The following DNMT1 variants were observed in gnomAD, a reference collection of about 807,000 sequenced individuals.
DNMT1 encodes the protein DNA (cytosine-5)-methyltransferase 1.
Under a neutral mutation model 205.3 loss-of-function variants are expected in DNMT1, and 24 were observed. That is an observed-to-expected ratio of 0.12 (90% CI 0.08 to 0.16). DNMT1 has a LOEUF of 0.16. DNMT1 is among the 10% of genes least tolerant of loss of function. DNMT1 has a pLI of 1.00. For synonymous variants in DNMT1, 817 were observed against 839.8 expected, an observed-to-expected ratio of 0.97 and a Z score of 0.47; for missense variants, 1,293 against 2,177.7, an observed-to-expected ratio of 0.59 and a Z score of 8.09.
At position 10,140,576 on chromosome 19, in the gene DNMT1, G is replaced by T; in HGVS notation, c.3523+205C>A. ...TTAGAGACGGGGTTTCACCATGTTG[G>T]CCAGGATGGTCTCAAACTCCTGACC... is the stretch of plus-strand genomic sequence containing the variant. On this transcript the variant is annotated intron_variant, in intron 32 of 40. Coordinates refer to ENST00000359526, the MANE Select transcript of DNMT1 (RefSeq NM_001130823.3). The surrounding 1 kb of genome is among the most constrained non-coding windows in gnomAD (Gnocchi z 8.4). The T allele has an allele frequency of 2.1e-6, 2 of 972,712 alleles. No individual in the cohort carries two copies. Among genetic ancestry groups the T allele is most frequent in the Non-Finnish European group, 3.1e-6 (2 of 651,146 alleles). 60.3% of individuals were successfully genotyped at this position (972,712 alleles called of 1,614,324 possible).
At chr19:10,174,873 T>C (rs1002023244) in intron 7 of DNMT1, among the ~76,000 whole-genome samples, 2 of 151,090 alleles carry the variant, frequency 1.3e-5, no homozygotes, top group Admixed American at 6.6e-5. Context: ...CTGGGCAACA[T>C]GGTGAAACCC....
intron 5 of DNMT1, among the ~76,000 whole-genome samples, chr19:10,178,206 G>A (rs1431141713): frequency 2.0e-5 from 3 of 151,612 alleles, no homozygotes; most frequent in South Asian, 2.1e-4. Context: ...GTGGTGAGCC[G>A]AGATTGTGCC....
rs2038351864 is a variant in DNMT1 at position 10,151,973 on chromosome 19, A to C, written c.2020-126T>G. The C allele has an allele frequency of 1.2e-6, 1 of 826,958 alleles. No individual in the cohort carries two copies. 51.2% of individuals were successfully genotyped at this position (826,958 alleles called of 1,614,324 possible). On this transcript the variant is annotated intron_variant, in intron 22 of 40. Transcript: ENST00000359526. This position sits in a 1 kb window ranked among gnomAD's most constrained non-coding sequence, Gnocchi z 5.0. Reference sequence around the variant, plus strand: ...TCAGGAATTGCAGACCAGCCTGGCCAACGTGGTGAAACCCCATCTCTACTA... The same window carrying C: ...TCAGGAATTGCAGACCAGCCTGGCCCACGTGGTGAAACCCCATCTCTACTA...
rs1006590380 is a variant in DNMT1 at position 10,137,381 on chromosome 19, C to T, written c.4294-101G>A. The T allele has an allele frequency of 1.8e-5, 25 of 1,426,502 alleles. No individual in the cohort carries two copies. The highest frequency in any genetic ancestry group is 2.4e-5 in the Non-Finnish European group (25 of 1,050,988). The allele number at this position is 1,426,502 out of a possible 1,614,324, so 88.4% of individuals were successfully genotyped here. A position where few individuals can be genotyped will look rare whatever the true frequency, so the allele number is the denominator to read the frequency against. ...GAACACCATGGTGACCAGGAAGCCC[C>T]CTGGGGCTCACGCCCATCGGGAAAG... On this transcript the variant is annotated intron_variant, in intron 36 of 40. Transcript: ENST00000359526. The surrounding 1 kb of genome is among the most constrained non-coding windows in gnomAD (Gnocchi z 6.4).
chr19:10,184,755 G>C (rs1293709345), intron 1 of DNMT1, among the ~76,000 whole-genome samples: 1 of 152,214 alleles, frequency 6.6e-6, no homozygotes, highest in South Asian at 2.1e-4. Flanking sequence ...GGTGAGAACA[G>C]GCCTAACCAG....
intron 1 of DNMT1, among the ~76,000 whole-genome samples, chr19:10,185,716 G>A (rs1010485014): frequency 2.6e-5 from 4 of 151,856 alleles, no homozygotes; most frequent in African/African-American, 9.7e-5. Context: ...TGTGGTACCA[G>A]CTACTTGGGA....
chr19:10,145,891 T>C (rs1389628889), intron 28 of DNMT1, among the ~76,000 whole-genome samples: 1 of 152,138 alleles, frequency 6.6e-6, no homozygotes, highest in Non-Finnish European at 1.5e-5. Flanking sequence ...TGCAGTGGCA[T>C]GATCTTGGCT....
At chr19:10,187,506 C>A (rs2039213355) in intron 1 of DNMT1, among the ~76,000 whole-genome samples, 1 of 151,684 alleles carries the variant, frequency 6.6e-6, no homozygotes, top group East Asian at 1.9e-4. Context: ...GAGGCAGAGG[C>A]GGGAGGATCA....
At chr19:10,178,141 C>A (rs2038970776) in intron 5 of DNMT1, among the ~76,000 whole-genome samples, 1 of 145,250 alleles carries the variant, frequency 6.9e-6, no homozygotes, top group Non-Finnish European at 1.5e-5. Flanking sequence ...CCTGTAGTCC[C>A]AGCTCCTCAG....
chr19:10,161,280 GGCGGCAGA>G (rs1666330339), intron 13 of DNMT1, among the ~76,000 whole-genome samples: 1 of 152,012 alleles, frequency 6.6e-6, no homozygotes. Context: ...ACTCCAGCCT[GGCGGCAGA>G]GCGAGACTCT....
chr19:10,145,576 G>A (rs908650680), intron 28 of DNMT1, among the ~76,000 whole-genome samples: 2 of 152,182 alleles, frequency 1.3e-5, no homozygotes, highest in African/African-American at 2.4e-5. Flanking sequence ...GAAGAGCCTC[G>A]ATCCTCTGAC....
rs1377773492 is a variant in DNMT1 at position 10,171,612 on chromosome 19, T to C, written c.768+1478A>G. 8.5e-5 allele frequency among the ~76,000 whole-genome samples: 13 copies of C among 152,136 alleles called. No homozygotes were observed. The South Asian group carries it at 2.3e-3, about 27-fold the overall frequency. ...CGAGGTCAGGAGATCAAGACCATCCTGGCTAACGTGGTGAAACCCCTTCTC... is the reference window on the plus strand; with the variant it reads ...CGAGGTCAGGAGATCAAGACCATCCCGGCTAACGTGGTGAAACCCCTTCTC... On this transcript the variant is annotated intron_variant, in intron 9 of 40. Coordinates refer to ENST00000359526, the MANE Select transcript of DNMT1 (RefSeq NM_001130823.3).
intron 12 of DNMT1, 45 bp from the exon 13 acceptor site, chr19:10,162,793 T>C: frequency 3.1e-6 from 5 of 1,599,440 alleles, no homozygotes; most frequent in Non-Finnish European, 4.3e-6. Flanking sequence ...TTAGAAACAC[T>C]AACCACATCG....
intron 1 of DNMT1, among the ~76,000 whole-genome samples, chr19:10,189,282 G>T (rs1470669544): frequency 6.6e-6 from 1 of 152,128 alleles, no homozygotes; most frequent in Non-Finnish European, 1.5e-5. Context: ...ACCATGCCTG[G>T]CTAATTTTTT....
chr19:10,135,980 C>T (rs534029318), intron 38 of DNMT1, 128 bp from the exon 39 acceptor site: 15 of 1,485,026 alleles, frequency 1.0e-5, no homozygotes, highest in African/African-American at 5.5e-5. Context: ...GTCCCGTGGA[C>T]GTGGAGGGGC....
Position 10,137,497 on chromosome 19 carries a change from CT to C in DNMT1, c.4294-218del. ...GAGAGCGTGGGAATCTAAGCTGAGC[CT>C]TTAGGGTGGGGGAAGGGGAGTGGTG... On this transcript the variant is annotated intron_variant, in intron 36 of 40. Coordinates refer to ENST00000359526, the MANE Select transcript of DNMT1 (RefSeq NM_001130823.3). This position sits in a 1 kb window ranked among gnomAD's most constrained non-coding sequence, Gnocchi z 6.4. 1.5e-6 allele frequency: 1 copy of C among 661,270 alleles called. No individual in the cohort carries two copies. Among genetic ancestry groups the C allele is most frequent in the Non-Finnish European group, 2.6e-6 (1 of 388,882 alleles). 41.0% of individuals were successfully genotyped at this position (661,270 alleles called of 1,614,324 possible). A position where few individuals can be genotyped will look rare whatever the true frequency, so the allele number is the denominator to read the frequency against.
intron 22 of DNMT1, among the ~76,000 whole-genome samples, chr19:10,153,643 T>TA (rs35281765): frequency 0.043 from 5,113 of 119,358 alleles, 114 homozygotes; most frequent in Middle Eastern, 0.069. Context: ...TCAAAAAAAT[T>TA]AAAAAAAAAA....
rs1037000664 is a variant in DNMT1 at position 10,151,506 on chromosome 19, C to A, written c.2157G>T (p.Glu719Asp). The A allele has an allele frequency of 3.1e-6, 5 of 1,614,096 alleles. No individual in the cohort carries two copies. Among genetic ancestry groups the A allele is most frequent in the Non-Finnish European group, 1.7e-6 (2 of 1,180,042 alleles). Reference protein sequence around the residue: ...NMAMKEADDDEEVDDNIPEMP... With the variant: ...NMAMKEADDDDEVDDNIPEMP... ...TCTCTGGGATGTTATCATCGACTTC[C>A]TCATCGTCATCTGCCTCCTTCATGG... is the stretch of plus-strand genomic sequence containing the variant. The change falls in exon 24 of 41, where the codon GAG becomes GAT. Residue 719 changes from glutamate to aspartate, a missense_variant. This residue lies in a region of DNMT1 where 197 missense variants were observed against 353.6 expected (regional missense o/e 0.56). Coordinates refer to ENST00000359526, the MANE Select transcript of DNMT1 (RefSeq NM_001130823.3). The surrounding 1 kb of genome is among the most constrained non-coding windows in gnomAD (Gnocchi z 5.0).
At chr19:10,135,094 C>A (rs1336205321) in intron 39 of DNMT1, among the ~76,000 whole-genome samples, 1 of 151,798 alleles carries the variant, frequency 6.6e-6, no homozygotes, top group Non-Finnish European at 1.5e-5. Context: ...TGACTGTAAT[C>A]CCAGCTACTC....
Sources: allele counts gnomAD v4.1 joint callset (sites outside exome capture counted in the v4.1 genomes callset), GRCh38; gene constraint gnomAD v4.1.1; regional missense constraint gnomAD v4.1.1; non-coding constraint Gnocchi (gnomAD v3.1); transcripts MANE v1.5; gene names NCBI Gene and HGNC (gene_info 2026-07-23, HGNC 2026-07-21).